Variants in NLGN1 observed in about 807,000 individuals in gnomAD.
NLGN1 encodes neuroligin-1.
Under a neutral mutation model 65.5 loss-of-function variants are expected in NLGN1, and 12 were observed. The observed-to-expected ratio is 0.18, with a 90% CI of 0.12 to 0.30. The LOEUF (loss-of-function observed/expected upper bound fraction) is 0.30, where lower values mean the gene tolerates loss of function less well. Among genes scored for constraint, NLGN1 ranks in the 10% least tolerant of loss-of-function variants. NLGN1 has a pLI of 1.00. For synonymous variants in NLGN1, 350 were observed against 359.5 expected (o/e 0.97, Z 0.30); for missense variants, 750 against 1,007.1 (o/e 0.74, Z 3.46).
intron 2 of NLGN1, among the ~76,000 whole-genome samples, chr3:173,542,563 T>C (rs1739074217): frequency 6.6e-6 from 1 of 152,048 alleles, no homozygotes; most frequent in East Asian, 1.9e-4. Context: ...AACCCTTATA[T>C]TGGGGGACTG....
intron 4 of NLGN1, among the ~76,000 whole-genome samples, chr3:174,222,671 C>A (rs1009242919): frequency 6.6e-6 from 1 of 152,066 alleles, no homozygotes; most frequent in African/African-American, 2.4e-5. Context: ...AAATAAGATT[C>A]CTGTTTGGGC....
At chr3:173,735,208 A>G (rs1273700671) in intron 3 of NLGN1, among the ~76,000 whole-genome samples, 1 of 152,132 alleles carries the variant, frequency 6.6e-6, no homozygotes, top group East Asian at 1.9e-4. Context: ...TCAAATTCCA[A>G]CTACTGTTTT....
At chr3:173,470,828 A>G (rs1266507618) in intron 2 of NLGN1, among the ~76,000 whole-genome samples, 1 of 152,110 alleles carries the variant, frequency 6.6e-6, no homozygotes, top group East Asian at 1.9e-4. Flanking sequence ...ATTCATCTTC[A>G]TATCTCCAGC....
intron 4 of NLGN1, among the ~76,000 whole-genome samples, chr3:173,843,952 A>G: frequency 6.6e-6 from 1 of 152,178 alleles, no homozygotes; most frequent in East Asian, 1.9e-4. Flanking sequence ...GATAATTTAC[A>G]AAAGAAAAAG....
chr3:173,592,731 G>A (rs1331117653), intron 2 of NLGN1, among the ~76,000 whole-genome samples: 1 of 152,118 alleles, frequency 6.6e-6, no homozygotes, highest in African/African-American at 2.4e-5. Flanking sequence ...GTAATGCATT[G>A]TTCTGGGGAT....
intron 3 of NLGN1, among the ~76,000 whole-genome samples, chr3:173,663,337 A>G (rs1208640419): frequency 2.0e-5 from 3 of 152,052 alleles, no homozygotes; most frequent in African/African-American, 7.2e-5. Context: ...TTGCTAAAAA[A>G]ATTCCATGAA....
chr3:173,964,339 T>C (rs1226620676), intron 4 of NLGN1, among the ~76,000 whole-genome samples: 1 of 152,202 alleles, frequency 6.6e-6, no homozygotes, highest in South Asian at 2.1e-4. Flanking sequence ...TTGTCCGTGA[T>C]AGAAAGGTCC....
At chr3:173,466,001 A>G (rs1724277798) in intron 2 of NLGN1, among the ~76,000 whole-genome samples, 1 of 152,356 alleles carries the variant, frequency 6.6e-6, no homozygotes, top group South Asian at 2.1e-4. Flanking sequence ...TAGCTTAAGG[A>G]ACTAGTGGAA....
At chr3:173,988,589 C>T (rs1720437043) in intron 4 of NLGN1, among the ~76,000 whole-genome samples, 1 of 152,174 alleles carries the variant, frequency 6.6e-6, no homozygotes, top group South Asian at 2.1e-4. Flanking sequence ...CCTATCATGA[C>T]TTCTAAGGAA....
chr3:174,273,001 CTT>C (rs372623188), intron 4 of NLGN1, among the ~76,000 whole-genome samples: 1 of 144,456 alleles, frequency 6.9e-6, no homozygotes, highest in Non-Finnish European at 1.5e-5. Flanking sequence ...TTCAGAGGAA[CTT>C]TTTTTTTTTT....
chr3:173,835,273 TC>T (rs1723396198), intron 4 of NLGN1, among the ~76,000 whole-genome samples: 1 of 152,142 alleles, frequency 6.6e-6, no homozygotes. Context: ...CACTCTTGTA[TC>T]ATATAAGAAA....
At chr3:173,671,730 A>G (rs1381021873) in intron 3 of NLGN1, among the ~76,000 whole-genome samples, 1 of 152,214 alleles carries the variant, frequency 6.6e-6, no homozygotes, top group Non-Finnish European at 1.5e-5. Context: ...CTGATATTTC[A>G]AGTATCTGAC....
chr3:174,210,482 C>A (rs56098522), intron 4 of NLGN1, among the ~76,000 whole-genome samples: 2 of 152,200 alleles, frequency 1.3e-5, no homozygotes, highest in East Asian at 3.9e-4. Flanking sequence ...GCAATGGTGG[C>A]AGGGGATGGA....
At chr3:173,582,627 C>G (rs1463838613) in intron 2 of NLGN1, among the ~76,000 whole-genome samples, 5 of 151,894 alleles carry the variant, frequency 3.3e-5, no homozygotes, top group Non-Finnish European at 7.4e-5. Flanking sequence ...TTTCCTTAAC[C>G]CATTCTTTCC....
At chr3:174,086,252 T>C (rs946940214) in intron 4 of NLGN1, among the ~76,000 whole-genome samples, 15 of 150,798 alleles carry the variant, frequency 9.9e-5, no homozygotes, top group South Asian at 4.2e-4. Flanking sequence ...TTTATGTATG[T>C]GCATACATAT....
intron 2 of NLGN1, among the ~76,000 whole-genome samples, chr3:173,549,832 A>T (rs1245817559): frequency 6.6e-6 from 1 of 152,108 alleles, no homozygotes; most frequent in Non-Finnish European, 1.5e-5. Flanking sequence ...CGTACAAGTC[A>T]TCCAACATTG....
intron 3 of NLGN1, among the ~76,000 whole-genome samples, chr3:173,735,197 C>T (rs552645203): frequency 6.6e-6 from 1 of 152,162 alleles, no homozygotes; most frequent in East Asian, 1.9e-4. Flanking sequence ...AGATGATTCA[C>T]TCAAATTCCA....
chr3:174,023,765 TTTGA>T (rs995368757), intron 4 of NLGN1, among the ~76,000 whole-genome samples: 7 of 152,130 alleles, frequency 4.6e-5, no homozygotes, highest in African/African-American at 1.2e-4. Flanking sequence ...TTGGGGTAAG[TTTGA>T]TTGAGCAAAA....
chr3:173,980,954 A>G (rs1056651315), intron 4 of NLGN1, among the ~76,000 whole-genome samples: 3 of 152,140 alleles, frequency 2.0e-5, no homozygotes, highest in African/African-American at 7.2e-5. Flanking sequence ...GACTTTCCCA[A>G]TTATTTTAGT....
Sources: gnomAD v4.1 joint callset for allele counts (sites outside exome capture counted in the v4.1 genomes callset) on GRCh38, gnomAD v4.1.1 for gene constraint, MANE v1.5 for transcripts, NCBI Gene and HGNC (gene_info 2026-07-23, HGNC 2026-07-21) for gene names.